SMOC2: variants seen among roughly 807,000 people sequenced by gnomAD.
The protein encoded by SMOC2 is SPARC-related modular calcium-binding protein 2.
SMOC2 carries 39 observed loss-of-function variants against 61.4 expected under a neutral mutation model. That is an observed-to-expected ratio of 0.64 (90% CI 0.49 to 0.83). The LOEUF (loss-of-function observed/expected upper bound fraction) is 0.83, where lower values mean the gene tolerates loss of function less well. SMOC2 is among the 40% of genes least tolerant of loss of function. The probability of loss-of-function intolerance (pLI) is 0.00; values close to 1 mark genes in which losing one functional copy is unlikely to be tolerated. For missense variants in SMOC2, 556 were observed against 592.9 expected, an observed-to-expected ratio of 0.94 and a Z score of 0.65; for synonymous variants, 247 against 239.9, an observed-to-expected ratio of 1.03 and a Z score of -0.27.
At chr6:168,665,021 T>C (rs143365369) in intron 12 of SMOC2, 117 of 301,620 alleles carry the variant, frequency 3.9e-4, no homozygotes, top group African/African-American at 2.5e-3. Flanking sequence ...AGGAAAGATG[T>C]GTGATATGCT....
Position 168,547,162 on chromosome 6 carries a change from T to G in SMOC2, c.555T>G (p.Asp185Glu), listed in dbSNP as rs771869189. ...CGTTGGAGACTCAGCCTCAAGGAGA[T>G]GAAGAAGGTGAGCCGGGGTGGGGAT... ...APALETQPQG[D>E]EEDIASRYPT... Residue 185 changes from aspartate (D) to glutamate (E), a missense_variant, in exon 6 of 13, where the codon GAT (aspartate) becomes GAG (glutamate). Transcript: ENST00000356284. The G allele has an allele frequency of 3.1e-6, 5 of 1,613,760 alleles. No homozygotes were observed. Among genetic ancestry groups the G allele is most frequent in the South Asian group, 2.2e-5 (2 of 91,058 alleles).
intron 11 of SMOC2, among the ~76,000 whole-genome samples, chr6:168,653,584 A>G (rs1018252625): frequency 1.3e-5 from 2 of 150,750 alleles, no homozygotes; most frequent in East Asian, 3.9e-4. Context: ...CTGAGCTCCA[A>G]CCAAATGTTA....
chr6:168,628,818 C>T (rs1265859404), intron 9 of SMOC2, among the ~76,000 whole-genome samples: 3 of 152,226 alleles, frequency 2.0e-5, no homozygotes, highest in Admixed American at 6.5e-5. Context: ...AGCGTGGTGC[C>T]CCGCCGGAGA....
intron 9 of SMOC2, among the ~76,000 whole-genome samples, chr6:168,615,830 C>A (rs1317724653): frequency 6.6e-6 from 1 of 152,250 alleles, no homozygotes; most frequent in African/African-American, 2.4e-5. Context: ...GTCTTTGACT[C>A]ATGTAGAAAC....
chr6:168,598,071 TG>T (rs1416324301), intron 7 of SMOC2, among the ~76,000 whole-genome samples: 1 of 152,268 alleles, frequency 6.6e-6, no homozygotes, highest in Non-Finnish European at 1.5e-5. Flanking sequence ...GCACAATGCC[TG>T]GTGCACAGGC....
intron 1 of SMOC2, among the ~76,000 whole-genome samples, chr6:168,486,105 A>C (rs1045287990): frequency 6.6e-6 from 1 of 152,032 alleles, no homozygotes; most frequent in Admixed American, 6.6e-5. Flanking sequence ...TCTACTTCTT[A>C]CTGTGGGGAC....
intron 9 of SMOC2, among the ~76,000 whole-genome samples, chr6:168,612,506 A>T (rs1384374081): frequency 7.0e-6 from 1 of 142,066 alleles, no homozygotes; most frequent in Non-Finnish European, 1.5e-5. Context: ...TGGGTTCATG[A>T]TCTCCATCGG....
intron 9 of SMOC2, among the ~76,000 whole-genome samples, chr6:168,619,637 A>G (rs893445149): frequency 5.3e-5 from 8 of 152,320 alleles, no homozygotes; most frequent in East Asian, 1.9e-4. Flanking sequence ...AGGCTCTACC[A>G]TAATCAAATT....
intron 2 of SMOC2, among the ~76,000 whole-genome samples, chr6:168,517,218 GTC>G (rs74814412): frequency 0.11 from 17,290 of 152,230 alleles, 1,179 homozygotes; most frequent in South Asian, 0.2. Flanking sequence ...GTCTGCGGCT[GTC>G]TCTCTGGCAT....
At chr6:168,599,191 T>A (rs116042779) in intron 8 of SMOC2, among the ~76,000 whole-genome samples, 187 bp downstream of exon 8, 27 of 30,642 alleles carry the variant, frequency 8.8e-4, no homozygotes, top group South Asian at 4.1e-3. Context: ...CCACACACAC[T>A]CATACCACAC....
At chr6:168,507,956 G>A (rs1306094173) in intron 1 of SMOC2, among the ~76,000 whole-genome samples, 1 of 152,174 alleles carries the variant, frequency 6.6e-6, no homozygotes, top group African/African-American at 2.4e-5. Context: ...TCTGGGCAAG[G>A]CCACTGCCAA....
intron 7 of SMOC2, among the ~76,000 whole-genome samples, chr6:168,595,180 T>C: frequency 1.5e-5 from 2 of 136,684 alleles, no homozygotes; most frequent in South Asian, 2.5e-4. Context: ...CTCCTCCTCC[T>C]TCCTGAGGCC....
intron 12 of SMOC2, among the ~76,000 whole-genome samples, chr6:168,666,023 A>T (rs544178615): frequency 6.6e-6 from 1 of 152,270 alleles, no homozygotes; most frequent in South Asian, 2.1e-4. Context: ...GAGGTAAACT[A>T]GTGAACAAAA....
chr6:168,611,112 C>G (rs936355291), intron 9 of SMOC2, among the ~76,000 whole-genome samples: 1 of 152,220 alleles, frequency 6.6e-6, no homozygotes, highest in South Asian at 2.1e-4. Context: ...GACATCCTCC[C>G]AGGTCCTCAT....
intron 7 of SMOC2, among the ~76,000 whole-genome samples, chr6:168,572,904 C>A: frequency 1.6e-5 from 1 of 61,414 alleles, no homozygotes; most frequent in South Asian, 6.2e-4. Flanking sequence ...GGTCCCTGAA[C>A]GCGATGTTCA....
At chr6:168,644,735 C>T (rs1786981417) in intron 9 of SMOC2, among the ~76,000 whole-genome samples, 1 of 151,128 alleles carries the variant, frequency 6.6e-6, no homozygotes, top group South Asian at 2.1e-4. Flanking sequence ...CTGCAACCTC[C>T]ACCTCCCAGG....
rs1233683950 is a variant in SMOC2 at position 168,558,870 on chromosome 6, CATGTGTGT to C, written c.637+9668_637+9675del. 2.2e-3 allele frequency among the ~76,000 whole-genome samples: 224 copies of C among 100,112 alleles called. 2 individuals carry two copies. Among genetic ancestry groups the C allele is most frequent in the African/African-American group, 0.014 (190 of 13,556 alleles). The allele number at this position is 100,112 out of a possible 152,430, so 65.7% of individuals were successfully genotyped here. A position where few individuals can be genotyped will look rare whatever the true frequency, so the allele number is the denominator to read the frequency against. On this transcript the variant is annotated intron_variant, in intron 7 of 12. Coordinates refer to ENST00000356284, the MANE Select transcript of SMOC2 (RefSeq NM_001166412.2). ...ATGTGCGCGTGTGCGCATGTGTGTG[CATGTGTGT>C]GCGTGTGTGCGTGTGCATGTGTGTG... is the stretch of plus-strand genomic sequence containing the variant.
chr6:168,644,896 C>G (rs1786984426), intron 9 of SMOC2, among the ~76,000 whole-genome samples: 1 of 152,068 alleles, frequency 6.6e-6, no homozygotes, highest in Non-Finnish European at 1.5e-5. Context: ...GTGATCCACC[C>G]ACCTCAGCCT....
chr6:168,655,179 T>C (rs1787289537), intron 11 of SMOC2, among the ~76,000 whole-genome samples: 1 of 94,658 alleles, frequency 1.1e-5, no homozygotes, highest in African/African-American at 4.4e-5. Context: ...GCACCTGAGC[T>C]CCAACCAGAT....
Sources: gnomAD v4.1 joint callset for allele counts (sites outside exome capture counted in the v4.1 genomes callset) on GRCh38, gnomAD v4.1.1 for gene constraint, MANE v1.5 for transcripts, NCBI Gene and HGNC (gene_info 2026-07-23, HGNC 2026-07-21) for gene names.